Variants in KLHL12 observed in about 807,000 individuals in gnomAD.
KLHL12 encodes kelch-like protein 12.
KLHL12 carries 17 observed loss-of-function variants against 60.8 expected under a neutral mutation model. The ratio of observed to expected loss-of-function variants is 0.28; its 90% CI spans 0.19 to 0.42. KLHL12 has a LOEUF of 0.42. Ranked by LOEUF, KLHL12 falls within the 10% of genes least tolerant of loss-of-function variation. The probability of loss-of-function intolerance (pLI) is 1.00; values close to 1 mark genes in which losing one functional copy is unlikely to be tolerated. For missense variants in KLHL12, 468 were observed against 722.3 expected (o/e 0.65, Z 4.04); for synonymous variants, 220 against 250.9 (o/e 0.88, Z 1.16).
At chr1:202,900,207 A>G (rs1291053797) in intron 6 of KLHL12, among the ~76,000 whole-genome samples, 1 of 151,980 alleles carries the variant, frequency 6.6e-6, no homozygotes, top group African/African-American at 2.4e-5. Flanking sequence ...GTTGCTTTAT[A>G]TAACTCCCTG....
intron 6 of KLHL12, among the ~76,000 whole-genome samples, chr1:202,908,069 A>G (rs888881959): frequency 6.6e-6 from 1 of 152,230 alleles, no homozygotes; most frequent in Non-Finnish European, 1.5e-5. Flanking sequence ...AGAGTAATTC[A>G]TAACTTATAA....
At position 202,891,391 on chromosome 1, in the gene KLHL12, A is replaced by C. The variant is rs1659670643; in HGVS notation, c.*1142T>G. On this transcript the variant is annotated 3_prime_UTR_variant, in exon 12 of 12. Coordinates refer to ENST00000367261, the MANE Select transcript of KLHL12 (RefSeq NM_021633.4). ...TCCTTGATTATTCTGTCCTGTGATGAATAAAATCTACACTAAAGGACAGGT... is the reference window on the plus strand; with the variant it reads ...TCCTTGATTATTCTGTCCTGTGATGCATAAAATCTACACTAAAGGACAGGT... The C allele has an allele frequency of 6.6e-6, 1 of 152,654 alleles. No individual in the cohort carries two copies. Among genetic ancestry groups the C allele is most frequent in the Non-Finnish European group, 1.5e-5 (1 of 68,038 alleles). 9.5% of individuals were successfully genotyped at this position (152,654 alleles called of 1,614,324 possible). A position where few individuals can be genotyped will look rare whatever the true frequency, so the allele number is the denominator to read the frequency against.
rs1653628621 is a variant in KLHL12 at position 202,927,233 on chromosome 1, C to G, written c.-190G>C. 3.0e-6 allele frequency: 3 copies of G among 985,272 alleles called. No individual in the cohort carries two copies. The highest frequency in any genetic ancestry group is 3.6e-6 in the Non-Finnish European group (3 of 829,932). The allele number at this position is 985,272 out of a possible 1,614,324, so 61.0% of individuals were successfully genotyped here. On this transcript the variant is annotated 5_prime_UTR_variant, in exon 1 of 12. Transcript: ENST00000367261. The stretch of plus-strand genomic sequence containing the variant: ...CTGGAGGCTCTGGAGCCGTCCGGGT[C>G]TGGCCCCTGCGGCCGCGCGACGTGA...
intron 6 of KLHL12, among the ~76,000 whole-genome samples, chr1:202,907,986 C>T (rs1281715167): frequency 6.6e-6 from 1 of 152,118 alleles, no homozygotes; most frequent in Non-Finnish European, 1.5e-5. Context: ...TATCAACTAA[C>T]ACCTTAGCAC....
Position 202,892,284 on chromosome 1 carries a change from G to C in KLHL12, c.*249C>G, listed in dbSNP as rs1659698312. 2.2e-6 allele frequency: 1 copy of C among 449,368 alleles called. No individual in the cohort carries two copies. Among genetic ancestry groups the C allele is most frequent in the East Asian group, 3.9e-5 (1 of 25,856 alleles). 27.8% of individuals were successfully genotyped at this position (449,368 alleles called of 1,614,324 possible). A position where few individuals can be genotyped will look rare whatever the true frequency, so the allele number is the denominator to read the frequency against. ...AAGTGCTCCCCAAAGCAGTGGGAGA[G>C]GCAATGTGGTCTCTCACATCCATTC... On this transcript the variant is annotated 3_prime_UTR_variant, in exon 12 of 12. Coordinates refer to ENST00000367261, the MANE Select transcript of KLHL12 (RefSeq NM_021633.4).
In KLHL12 at chr1:202,893,931, T is replaced by C. The variant is rs569350216; in HGVS notation, c.1393+253A>G. Among the ~76,000 whole-genome samples the C allele has an allele frequency of 6.6e-6, 1 of 152,340 alleles. No homozygotes were observed. Among genetic ancestry groups the C allele is most frequent in the South Asian group, 2.1e-4 (1 of 4,828 alleles). ...TAACAGATATTTATTAAGCATGTACTACACAGGCAAAATTGTACTAGATAT... is the reference window on the plus strand; with the variant it reads ...TAACAGATATTTATTAAGCATGTACCACACAGGCAAAATTGTACTAGATAT... On this transcript the variant is annotated intron_variant, in intron 10 of 11. Coordinates refer to ENST00000367261, the MANE Select transcript of KLHL12 (RefSeq NM_021633.4). This position sits in a 1 kb window ranked among gnomAD's most constrained non-coding sequence, Gnocchi z 4.1.
intron 6 of KLHL12, among the ~76,000 whole-genome samples, chr1:202,903,650 T>A (rs1192648251): frequency 1.4e-5 from 2 of 147,266 alleles, no homozygotes; most frequent in African/African-American, 5.0e-5. Context: ...TGAAACGGCG[T>A]CTTGCTCTGT....
At chr1:202,911,513 G>C (rs996423293) in intron 4 of KLHL12, among the ~76,000 whole-genome samples, 1 of 151,332 alleles carries the variant, frequency 6.6e-6, no homozygotes, top group African/African-American at 2.4e-5. Flanking sequence ...CACCAGTCAC[G>C]TATTGGCCTT....
intron 2 of KLHL12, among the ~76,000 whole-genome samples, chr1:202,920,316 AAAAATAAAAAAGAAAG>A (rs1660647473): frequency 6.6e-6 from 1 of 152,028 alleles, no homozygotes; most frequent in South Asian, 2.1e-4. Context: ...TCCATTTCAA[AAAAATAAAAAAGAAAG>A]AAAATAAAAA....
intron 1 of KLHL12, among the ~76,000 whole-genome samples, chr1:202,926,828 G>C (rs545870756): frequency 6.6e-6 from 1 of 152,170 alleles, no homozygotes; most frequent in Admixed American, 6.5e-5. Context: ...TTCTAGAGAA[G>C]GAAACGAAGT....
Position 202,911,901 on chromosome 1 carries a change from C to G in KLHL12, c.568-698G>C, listed in dbSNP as rs577120654. 9.9e-5 allele frequency: 83 copies of G among 837,000 alleles called. 1 individual carries two copies. Among genetic ancestry groups the G allele is most frequent in the Admixed American group, 8.5e-4 (50 of 58,602 alleles). The allele number at this position is 837,000 out of a possible 1,614,324, so 51.8% of individuals were successfully genotyped here. On this transcript the variant is annotated intron_variant, in intron 4 of 11. Coordinates refer to ENST00000367261, the MANE Select transcript of KLHL12 (RefSeq NM_021633.4). ...GCTTTGAAATAACCAATGAAGAAAG[C>G]CTGAGGAGCTATTTTGAGCAATGGG... is the stretch of plus-strand genomic sequence containing the variant.
intron 7 of KLHL12, among the ~76,000 whole-genome samples, chr1:202,896,255 C>T (rs1659829571): frequency 6.6e-6 from 1 of 152,150 alleles, no homozygotes; most frequent in Admixed American, 6.5e-5. Flanking sequence ...GGCACAATCA[C>T]AGTTCACTGC....
At position 202,893,155 on chromosome 1, in the gene KLHL12, G is replaced by C. The variant is rs1411925006; in HGVS notation, c.1580+84C>G. ...AGATGTCTACCCCTACCCAAGTCTT[G>C]TCTCTGTCCAAAAATGAGGATCAGA... On this transcript the variant is annotated intron_variant, in intron 11 of 11. Transcript: ENST00000367261. This position sits in a 1 kb window ranked among gnomAD's most constrained non-coding sequence, Gnocchi z 4.1. The C allele has an allele frequency of 8.8e-7, 1 of 1,135,668 alleles. No individual in the cohort carries two copies. The highest frequency in any genetic ancestry group is 1.6e-5 in the African/African-American group (1 of 62,828). The allele number at this position is 1,135,668 out of a possible 1,614,324, so 70.3% of individuals were successfully genotyped here.
At chr1:202,928,346 G>T (rs1010107291), upstream of KLHL12, 12 of 374,424 alleles carry the variant, frequency 3.2e-5, no homozygotes, top group African/African-American at 2.6e-4. Context: ...GGTCCGGCAG[G>T]GAGCCTGGGA....
At chr1:202,902,511 T>C (rs1660043729) in intron 6 of KLHL12, among the ~76,000 whole-genome samples, 1 of 152,140 alleles carries the variant, frequency 6.6e-6, no homozygotes, top group African/African-American at 2.4e-5. Flanking sequence ...TTTTTCATTT[T>C]CCAAATATAT....
chr1:202,907,613 A>G (rs1571527503), intron 6 of KLHL12, among the ~76,000 whole-genome samples: 1 of 131,844 alleles, frequency 7.6e-6, no homozygotes, highest in Non-Finnish European at 1.6e-5. Context: ...AAAAAAAAAA[A>G]GGAAAAAAAT....
chr1:202,908,877 T>G, intron 6 of KLHL12, 133 bp downstream of exon 6: 2 of 595,670 alleles, frequency 3.4e-6, no homozygotes, highest in Middle Eastern at 4.7e-4. Context: ...TAAAGTGACT[T>G]GTCTGAGATG....
Position 202,900,653 on chromosome 1 carries a change from C to T in KLHL12, c.833-3693G>A, listed in dbSNP as rs143253111. On this transcript the variant is annotated intron_variant, in intron 6 of 11. Transcript: ENST00000367261. ...CCGAGGCGGGTGGATCACTTGAGGTCAGGAGTTCAAGGCCAGCCTGGCCAA... is the reference window on the plus strand; with the variant it reads ...CCGAGGCGGGTGGATCACTTGAGGTTAGGAGTTCAAGGCCAGCCTGGCCAA... Among the ~76,000 whole-genome samples the T allele has an allele frequency of 7.9e-3, 1,203 of 152,282 alleles. 13 individuals are homozygous for T. Among genetic ancestry groups the T allele is most frequent in the African/African-American group, 0.023 (945 of 41,564 alleles).
chr1:202,899,950 C>T (rs1659957012), intron 6 of KLHL12, among the ~76,000 whole-genome samples: 2 of 152,056 alleles, frequency 1.3e-5, no homozygotes, highest in Non-Finnish European at 2.9e-5. Context: ...GCTAGGACCA[C>T]AAGTTATTTG....
Sources: gnomAD v4.1 joint callset for allele counts (sites outside exome capture counted in the v4.1 genomes callset) on GRCh38, gnomAD v4.1.1 for gene constraint, Gnocchi (gnomAD v3.1) non-coding constraint, MANE v1.5 for transcripts, NCBI Gene and HGNC (gene_info 2026-07-23, HGNC 2026-07-21) for gene names.